CCDC91: variants seen among roughly 807,000 people sequenced by gnomAD.
CCDC91 encodes the protein coiled-coil domain-containing protein 91.
CCDC91 carries 48 observed loss-of-function variants against 63.2 expected under a neutral mutation model. The ratio of observed to expected loss-of-function variants is 0.76; its 90% CI spans 0.60 to 0.97. The LOEUF (loss-of-function observed/expected upper bound fraction) is 0.97. Ranked by LOEUF, CCDC91 falls within the 50% of genes least tolerant of loss-of-function variation. The probability of loss-of-function intolerance (pLI) is 0.00; values close to 1 mark genes in which losing one functional copy is unlikely to be tolerated. For synonymous variants in CCDC91, 167 were observed against 165.8 expected, an observed-to-expected ratio of 1.01 and a Z score of -0.06; for missense variants, 500 against 494.6, an observed-to-expected ratio of 1.01 and a Z score of -0.10.
chr12:28,523,277 A>G (rs1940917519), intron 12 of CCDC91, among the ~76,000 whole-genome samples: 1 of 152,120 alleles, frequency 6.6e-6, no homozygotes, highest in Non-Finnish European at 1.5e-5. Flanking sequence ...GTGCATATAT[A>G]TTTAGGATAG....
rs57685697 is a variant in CCDC91, at chr12:28,524,876, A to C, written c.1216-24187A>C. ...CCATCTCCTCTAGGTTTTCTGGTTT[A>C]TGCACATAAAGGTGTTCATAGTAGC... On this transcript the variant is annotated intron_variant, in intron 12 of 12. Coordinates refer to ENST00000536442, the MANE Select transcript of CCDC91 (RefSeq NM_018318.5). Among the ~76,000 whole-genome samples, 532 of 152,130 alleles carry C rather than the reference A, an allele frequency of 3.5e-3. 1 individual carries two copies. The highest frequency in any genetic ancestry group is 0.012 in the African/African-American group (500 of 41,502).
intron 12 of CCDC91, among the ~76,000 whole-genome samples, chr12:28,501,494 A>C (rs11049673): frequency 6.6e-6 from 1 of 151,732 alleles, no homozygotes; most frequent in Non-Finnish European, 1.5e-5. Flanking sequence ...GTTCTGTTTA[A>C]ATGCTGGATT....
intron 8 of CCDC91, among the ~76,000 whole-genome samples, chr12:28,402,720 T>G (rs1002274715): frequency 3.3e-5 from 5 of 152,104 alleles, no homozygotes; most frequent in Non-Finnish European, 7.4e-5. Flanking sequence ...CTTGCCTTAT[T>G]CCTGATTTTA....
At chr12:28,513,643 A>T (rs754889161) in intron 12 of CCDC91, among the ~76,000 whole-genome samples, 6 of 151,876 alleles carry the variant, frequency 4.0e-5, no homozygotes, top group Non-Finnish European at 8.8e-5. Context: ...TATGCATGAA[A>T]GTAAGAAAAG....
At chr12:28,480,825 T>C (rs1271751977) in intron 11 of CCDC91, among the ~76,000 whole-genome samples, 4 of 152,036 alleles carry the variant, frequency 2.6e-5, no homozygotes, top group Non-Finnish European at 5.9e-5. Flanking sequence ...ATAACTGAGC[T>C]ATGTTTACAG....
chr12:28,318,490 A>G (rs906307008), intron 6 of CCDC91, among the ~76,000 whole-genome samples: 10 of 151,954 alleles, frequency 6.6e-5, no homozygotes, highest in African/African-American at 2.4e-4. Flanking sequence ...GCAATGAGCT[A>G]TGATTGCACC....
chr12:28,191,345 G>A (rs1478033300), intron 1 of CCDC91: 3 of 152,300 alleles, frequency 2.0e-5, no homozygotes, highest in African/African-American at 7.2e-5. Flanking sequence ...GTAGGATGAT[G>A]TTGCTGCTGC....
intron 1 of CCDC91, among the ~76,000 whole-genome samples, chr12:28,226,601 A>G (rs1032192893): frequency 6.6e-6 from 1 of 152,196 alleles, no homozygotes; most frequent in Admixed American, 6.5e-5. Flanking sequence ...AATAATATAG[A>G]GAGTTCTCAG....
chr12:28,408,548 T>C (rs1260623902), intron 8 of CCDC91, among the ~76,000 whole-genome samples: 1 of 152,224 alleles, frequency 6.6e-6, no homozygotes, highest in Non-Finnish European at 1.5e-5. Context: ...CCAGGGATGA[T>C]GAGCTTTGTT....
intron 5 of CCDC91, 69 bp from the exon 6 acceptor site, chr12:28,307,576 C>G (rs373601012): frequency 1.3e-6 from 1 of 779,924 alleles, no homozygotes; most frequent in East Asian, 2.9e-5. Flanking sequence ...CTGACATGTT[C>G]ATTGAAAAAA....
intron 11 of CCDC91, among the ~76,000 whole-genome samples, chr12:28,481,069 C>CA (rs1951420763): frequency 6.6e-6 from 1 of 152,042 alleles, no homozygotes; most frequent in Non-Finnish European, 1.5e-5. Context: ...TGATTCCAGT[C>CA]ATTTATTTTT....
At chr12:28,397,481 C>A (rs2139422611) in intron 8 of CCDC91, among the ~76,000 whole-genome samples, 1 of 151,892 alleles carries the variant, frequency 6.6e-6, no homozygotes, top group East Asian at 1.9e-4. Flanking sequence ...TGGGCGAGAG[C>A]CCCAGTCTAG....
At chr12:28,416,653 A>T (rs1947681095) in intron 8 of CCDC91, among the ~76,000 whole-genome samples, 1 of 152,106 alleles carries the variant, frequency 6.6e-6, no homozygotes, top group East Asian at 1.9e-4. Flanking sequence ...ATGAGATATC[A>T]AGAAAGGGGG....
At chr12:28,431,787 A>G (rs1000438191) in intron 8 of CCDC91, among the ~76,000 whole-genome samples, 1 of 152,052 alleles carries the variant, frequency 6.6e-6, no homozygotes, top group African/African-American at 2.4e-5. Context: ...TTGGTGGTGT[A>G]CATTCTAAGA....
chr12:28,292,383 A>G (rs1241956620), intron 3 of CCDC91, among the ~76,000 whole-genome samples: 1 of 152,208 alleles, frequency 6.6e-6, no homozygotes, highest in African/African-American at 2.4e-5. Context: ...CTTTATTTAA[A>G]CTACATATTC....
At chr12:28,407,800 C>T (rs533612172) in intron 8 of CCDC91, among the ~76,000 whole-genome samples, 25 of 152,090 alleles carry the variant, frequency 1.6e-4, no homozygotes, top group Admixed American at 6.5e-4. Context: ...TTCAGGTTTA[C>T]TACATCTTTT....
At chr12:28,282,174 TTTC>T (rs1948650901) in intron 3 of CCDC91, among the ~76,000 whole-genome samples, 1 of 152,138 alleles carries the variant, frequency 6.6e-6, no homozygotes, top group East Asian at 1.9e-4. Flanking sequence ...GCGTTTTATT[TTTC>T]TTACCTTCGA....
chr12:28,435,743 C>T lies in CCDC91; in HGVS notation c.763-14418C>T, dbSNP rs151303811. On this transcript the variant is annotated intron_variant, in intron 8 of 12. Transcript: ENST00000536442. ...AACTATAATAGTGGACTTATCTTTTCTCCTTGCAGTTCTATCAGCTTTTTC... is the reference window on the plus strand; with the variant it reads ...AACTATAATAGTGGACTTATCTTTTTTCCTTGCAGTTCTATCAGCTTTTTC... 3.1e-3 allele frequency among the ~76,000 whole-genome samples: 478 copies of T among 151,848 alleles called. 3 individuals are homozygous for T. Among genetic ancestry groups the T allele is most frequent in the Middle Eastern group, 0.017 (5 of 294 alleles).
chr12:28,356,023 TG>T (rs1183795312), intron 6 of CCDC91, among the ~76,000 whole-genome samples: 1 of 152,198 alleles, frequency 6.6e-6, no homozygotes, highest in Non-Finnish European at 1.5e-5. Context: ...TTATCATGTG[TG>T]TTTTTTTTCT....
Sources: allele counts gnomAD v4.1 joint callset (sites outside exome capture counted in the v4.1 genomes callset), GRCh38; gene constraint gnomAD v4.1.1; transcripts MANE v1.5; gene names NCBI Gene and HGNC (gene_info 2026-07-23, HGNC 2026-07-21).